Variants in DLC1 observed in about 807,000 individuals in gnomAD.
DLC1 encodes DLC1 Rho GTPase activating protein, also known as rho GTPase-activating protein 7.
A neutral mutation model predicts 140.3 loss-of-function variants in DLC1; 54 were observed. The observed-to-expected ratio is 0.38, with a 90% CI of 0.31 to 0.48. DLC1 has a LOEUF of 0.48. Ranked by LOEUF, DLC1 falls within the 20% of genes least tolerant of loss-of-function variation. The probability of loss-of-function intolerance (pLI) is 0.96; values close to 1 mark genes in which losing one functional copy is unlikely to be tolerated. For synonymous variants in DLC1, 986 were observed against 728.1 expected (o/e 1.35, Z -5.70); for missense variants, 2,536 against 1,907.0 (o/e 1.33, Z -6.14).
rs751723832 is a variant in DLC1, at chr8:13,099,454, G to A, written c.2883C>T (p.Pro961=). The change falls in exon 9 of 18, where the codon CCC becomes CCT. Residue 961 remains proline (P), a synonymous_variant. Transcript: ENST00000276297. ...AGTTGCCTGTGCTGTCCAGGTCGCTGGGTGTGGTTCGGTCGTTGTCCACAT... is the reference window on the plus strand; with the variant it reads ...AGTTGCCTGTGCTGTCCAGGTCGCTAGGTGTGGTTCGGTCGTTGTCCACAT... ...HLDVDNDRTT[P]SDLDSTGNSL... The A allele has an allele frequency of 4.3e-6, 7 of 1,614,180 alleles. No homozygotes were observed. In the Admixed American group the frequency reaches 5.0e-5, roughly 12 times the overall value.
chr8:13,095,311 C>G, intron 10 of DLC1, 66 bp from the exon 11 acceptor site: 1 of 1,596,280 alleles, frequency 6.3e-7, no homozygotes, highest in South Asian at 1.1e-5. Flanking sequence ...TACACTTGTC[C>G]AATTCTGCAG....
chr8:13,236,152 T>C (rs916401593), intron 5 of DLC1, among the ~76,000 whole-genome samples: 2 of 152,066 alleles, frequency 1.3e-5, no homozygotes, highest in Non-Finnish European at 2.9e-5. Context: ...TAGAATCTAT[T>C]GTAGTTTTTT....
chr8:13,589,787 A>G (rs1344968166), intron 1 of DLC1, among the ~76,000 whole-genome samples: 1 of 151,642 alleles, frequency 6.6e-6, no homozygotes, highest in Non-Finnish European at 1.5e-5. Flanking sequence ...AATTTAAAGA[A>G]TTTTAAAATA....
intron 12 of DLC1, 40 bp from the exon 13 acceptor site, chr8:13,092,865 T>G (rs1249415975): frequency 6.3e-7 from 1 of 1,587,886 alleles, no homozygotes; most frequent in Non-Finnish European, 8.6e-7. Context: ...CTTGGTGAAT[T>G]TGCATGGACA....
At chr8:13,156,270 T>C (rs539016372) in intron 5 of DLC1, among the ~76,000 whole-genome samples, 2 of 152,320 alleles carry the variant, frequency 1.3e-5, no homozygotes, top group South Asian at 4.1e-4. Flanking sequence ...ATGAATATCA[T>C]GGCCAAAATG....
At chr8:13,581,464 A>G (rs1227960575) in intron 1 of DLC1, among the ~76,000 whole-genome samples, 1 of 152,214 alleles carries the variant, frequency 6.6e-6, no homozygotes, top group African/African-American at 2.4e-5. Context: ...CAATCTTGGT[A>G]CTAAATTTCA....
chr8:13,158,580 A>G (rs1824426708), intron 5 of DLC1, among the ~76,000 whole-genome samples: 1 of 152,164 alleles, frequency 6.6e-6, no homozygotes, highest in Non-Finnish European at 1.5e-5. Context: ...ATCTTGTGAT[A>G]TCTGTGAAGC....
chr8:13,454,143 G>A (rs561578540), intron 2 of DLC1, among the ~76,000 whole-genome samples: 1 of 152,070 alleles, frequency 6.6e-6, no homozygotes, highest in East Asian at 1.9e-4. Flanking sequence ...AATTTGGCTT[G>A]TTCATGTAGT....
In DLC1 at chr8:13,085,908, G is replaced by C. The variant is rs375663152; in HGVS notation, c.4490C>G (p.Thr1497Arg). Residue 1497 changes from threonine (T) to arginine (R), a missense_variant, in exon 18 of 18, where the codon ACA becomes AGA. By Grantham distance (71) the Thr-to-Arg change is moderately conservative. Coordinates refer to ENST00000276297, the MANE Select transcript of DLC1 (RefSeq NM_182643.3). ...TGCACACAAATGTCCAAAAGATTTTGTGTACCATTCTGGCATGTGGCCCCT... is the reference window on the plus strand; with the variant it reads ...TGCACACAAATGTCCAAAAGATTTTCTGTACCATTCTGGCATGTGGCCCCT... ...DLRGHMPEWY[T>R]KSFGHLCAAE... The C allele has an allele frequency of 2.5e-6, 4 of 1,614,116 alleles. No homozygotes were observed. Among genetic ancestry groups the C allele is most frequent in the East Asian group, 4.5e-5 (2 of 44,880 alleles).
At chr8:13,179,367 C>G (rs1180906646) in intron 5 of DLC1, among the ~76,000 whole-genome samples, 5 of 152,040 alleles carry the variant, frequency 3.3e-5, no homozygotes, top group Non-Finnish European at 7.4e-5. Context: ...TCATTTAACC[C>G]TAACCCTAAA....
rs373454336 is a variant in DLC1, at chr8:13,100,492, G to C, written c.1845C>G (p.Thr615=). The C allele has an allele frequency of 6.2e-7, 1 of 1,612,852 alleles. No individual in the cohort carries two copies. The highest frequency in any genetic ancestry group is 1.7e-5 in the Admixed American group (1 of 60,028). The change falls in exon 9 of 18, where the codon ACC becomes ACG. Residue 615 remains threonine (T), a synonymous_variant. Transcript: ENST00000276297. ...CGCTGATGACGGAGTTAGTCCGGGGGGTGGCAGCATCCTCGCTGGGGGGCG... is the reference window on the plus strand; with the variant it reads ...CGCTGATGACGGAGTTAGTCCGGGGCGTGGCAGCATCCTCGCTGGGGGGCG... ...SHAPPSEDAA[T]PRTNSVISVC...
At chr8:13,552,712 T>A (rs192707814) in intron 1 of DLC1, among the ~76,000 whole-genome samples, 3 of 151,886 alleles carry the variant, frequency 2.0e-5, no homozygotes, top group East Asian at 1.9e-4. Flanking sequence ...AAATGTTTTT[T>A]AAAGGGTTTT....
chr8:13,499,388 A>C lies in DLC1; in HGVS notation c.684T>G (p.Ser228=). Residue 228 remains serine, a synonymous_variant, in exon 2 of 18, where the codon TCT becomes TCG. Coordinates refer to ENST00000276297, the MANE Select transcript of DLC1 (RefSeq NM_182643.3). The part of the protein sequence containing the change: ...DIAPEKQLLN[S]AVIAQQRRKP... ...TCCTTCGTTGCTGAGCAATTACAGC[A>C]GAGTTAAGCAATTGTTTCTCAGGTG... 6.2e-7 allele frequency: 1 copy of C among 1,613,846 alleles called. No homozygotes were observed. The highest frequency in any genetic ancestry group is 8.5e-7 in the Non-Finnish European group (1 of 1,179,958).
chr8:13,259,200 C>T (rs986990021), intron 5 of DLC1, among the ~76,000 whole-genome samples: 1 of 150,808 alleles, frequency 6.6e-6, no homozygotes, highest in African/African-American at 2.4e-5. Context: ...ATGAAATACC[C>T]ACTCCATCAC....
intron 1 of DLC1, among the ~76,000 whole-genome samples, chr8:13,598,399 T>C (rs1197084588): frequency 2.0e-5 from 3 of 151,546 alleles, no homozygotes; most frequent in Non-Finnish European, 3.0e-5. Flanking sequence ...AAGCTGAGGC[T>C]TTGTCAGTTT....
rs936545205 is a variant in DLC1, at chr8:13,495,469, C to T, written c.1023+3580G>A. ...TCATATGTCACCCAACCTTATGGCA[C>T]ATTCACTAACATTTGCTCACAATTT... On this transcript the variant is annotated intron_variant, in intron 2 of 17. Transcript: ENST00000276297. Among the ~76,000 whole-genome samples, 10 of 152,184 alleles carry T rather than the reference C, an allele frequency of 6.6e-5. No individual in the cohort carries two copies. The South Asian group carries it at 1.0e-3, about 16-fold the overall frequency.
At chr8:13,291,888 A>G (rs1378639477) in intron 5 of DLC1, among the ~76,000 whole-genome samples, 5 of 152,192 alleles carry the variant, frequency 3.3e-5, no homozygotes, top group Non-Finnish European at 5.9e-5. Flanking sequence ...AGACGAAGCA[A>G]AGGTTTTCCA....
chr8:13,173,325 C>T (rs1172795226), intron 5 of DLC1, among the ~76,000 whole-genome samples: 1 of 148,774 alleles, frequency 6.7e-6, no homozygotes, highest in South Asian at 2.1e-4. Context: ...ACTTTTGATG[C>T]TTCTATGGAA....
intron 1 of DLC1, among the ~76,000 whole-genome samples, chr8:13,546,175 T>A (rs1246146655): frequency 2.0e-5 from 3 of 152,156 alleles, no homozygotes; most frequent in African/African-American, 4.8e-5. Flanking sequence ...GGTTTTCTCA[T>A]ATTGGTCATT....
Sources: gnomAD v4.1 joint callset for allele counts (sites outside exome capture counted in the v4.1 genomes callset) on GRCh38, gnomAD v4.1.1 for gene constraint, MANE v1.5 for transcripts, NCBI Gene and HGNC (gene_info 2026-07-23, HGNC 2026-07-21) for gene names.